Variants in ERP27 observed in about 807,000 individuals in gnomAD.
ERP27 encodes endoplasmic reticulum resident protein 27.
Under a neutral mutation model 27.7 loss-of-function variants are expected in ERP27, and 23 were observed. The observed-to-expected ratio is 0.83, with a 90% CI of 0.60 to 1.18. ERP27 has a LOEUF of 1.18. Among genes scored for constraint, ERP27 ranks in the 50% most tolerant of loss-of-function variants. The pLI is 0.00. For synonymous variants in ERP27, 159 were observed against 118.3 expected, an observed-to-expected ratio of 1.34 and a Z score of -2.23; for missense variants, 363 against 327.9, an observed-to-expected ratio of 1.11 and a Z score of -0.83.
At chr12:14,923,597 C>T (rs1863549254) in intron 3 of ERP27, among the ~76,000 whole-genome samples, 2 of 151,710 alleles carry the variant, frequency 1.3e-5, no homozygotes, top group Admixed American at 1.3e-4. Context: ...AAAAACAGAA[C>T]CAACTATATT....
Position 14,937,990 on chromosome 12 carries a change from T to A in ERP27, c.157A>T (p.Ile53Phe), listed in dbSNP as rs771184674. The change falls in exon 2 of 7, where the codon ATT (isoleucine) becomes TTT (phenylalanine). Residue 53 changes from isoleucine (I) to phenylalanine (F), a missense_variant. Transcript: ENST00000266397. The stretch of plus-strand genomic sequence containing the variant: ...ATGACAGCCACCTCAGTGGCAGCAA[T>A]GAATTCCATGGCAGCTGGGACATCT... ...LTDVPAAMEF[I>F]AATEVAVIGF... 1 of 1,613,946 alleles carries A rather than the reference T, an allele frequency of 6.2e-7. No individual in the cohort carries two copies. The highest frequency in any genetic ancestry group is 8.5e-7 in the Non-Finnish European group (1 of 1,179,936).
intron 2 of ERP27, 153 bp from the exon 3 acceptor site, chr12:14,935,146 A>C: frequency 1.0e-6 from 1 of 985,336 alleles, no homozygotes; most frequent in East Asian, 1.1e-4. Context: ...ATTCAGGTTT[A>C]ACTGGCAGTG....
intron 3 of ERP27, among the ~76,000 whole-genome samples, chr12:14,924,188 TCC>T (rs1373407328): frequency 3.3e-5 from 5 of 152,220 alleles, no homozygotes; most frequent in Non-Finnish European, 7.3e-5. Flanking sequence ...CTATCTGTGC[TCC>T]TACACATGAC....
At chr12:14,921,098 T>C (rs764200655) in intron 3 of ERP27, 50 bp from the exon 4 acceptor site, 26 of 1,493,068 alleles carry the variant, frequency 1.7e-5, no homozygotes, top group Non-Finnish European at 2.4e-5. Flanking sequence ...TTTTTTCATG[T>C]ATTGATAAAC....
At chr12:14,935,259 T>C (rs1362246135) in intron 2 of ERP27, 2 of 625,412 alleles carry the variant, frequency 3.2e-6, no homozygotes, top group Non-Finnish European at 4.0e-6. Context: ...TGAAGTTTAC[T>C]AGGGGCTGAG....
rs566773453 is a variant in ERP27, at chr12:14,915,661, C to A, written c.602G>T (p.Gly201Val). 2 of 1,614,018 alleles carry A rather than the reference C, an allele frequency of 1.2e-6. No individual in the cohort carries two copies. Among genetic ancestry groups the A allele is most frequent in the Non-Finnish European group, 1.7e-6 (2 of 1,179,906 alleles). Residue 201 changes from glycine to valine, a missense_variant, in exon 6 of 7, where the codon GGT becomes GTT. By Grantham distance (109) the Gly-to-Val change is moderately radical. Transcript: ENST00000266397. ...TATCACCTTCCCATTTTCTTTCATA[C>A]CACTGTCCACCAGAATAAAGAGAAT... is the stretch of plus-strand genomic sequence containing the variant. ...GKILFILVDS[G>V]MKENGKVISF...
In ERP27 at chr12:14,920,917, G is replaced by A. The variant is rs1863492037; in HGVS notation, c.450+15C>T. The A allele has an allele frequency of 1.2e-6, 2 of 1,600,968 alleles. No individual in the cohort carries two copies. Among genetic ancestry groups the A allele is most frequent in the African/African-American group, 2.7e-5 (2 of 74,634 alleles). Reference sequence around the variant, plus strand: ...TCAGGGTCTGAAGGGACTAAGAACAGGAAGTATTGTTTACCACAGGGTTGT... The same window carrying A: ...TCAGGGTCTGAAGGGACTAAGAACAAGAAGTATTGTTTACCACAGGGTTGT... On this transcript the variant is annotated intron_variant, in intron 4 of 6. Transcript: ENST00000266397.
At position 14,934,961 on chromosome 12, in the gene ERP27, A is replaced by G. The variant is rs2120625183; in HGVS notation, c.228T>C (p.His76=). 1.2e-6 allele frequency: 2 copies of G among 1,614,146 alleles called. No homozygotes were observed. Among genetic ancestry groups the G allele is most frequent in the African/African-American group, 1.3e-5 (1 of 75,052 alleles). The change falls in exon 3 of 7, where the codon CAT becomes CAC. Residue 76 remains histidine, a synonymous_variant. Coordinates refer to ENST00000266397, the MANE Select transcript of ERP27 (RefSeq NM_152321.4). ...DLEIPAVPIL[H]SMVQKFPGVS... is the part of the protein sequence containing the mutation. ...CGCCTGGGAATTTTTGCACCATGCTATGGAGTATGGGCACTGCTGGTATTT... is the reference window on the plus strand; with the variant it reads ...CGCCTGGGAATTTTTGCACCATGCTGTGGAGTATGGGCACTGCTGGTATTT...
chr12:14,921,460 A>T (rs1045669731), intron 3 of ERP27, among the ~76,000 whole-genome samples: 1 of 152,196 alleles, frequency 6.6e-6, no homozygotes, highest in Non-Finnish European at 1.5e-5. Flanking sequence ...TGACCCTACC[A>T]GATGTGATGT....
rs572958350 is a variant in ERP27 at position 14,930,619 on chromosome 12, T to C, written c.333+4237A>G. 1.8e-3 allele frequency among the ~76,000 whole-genome samples: 228 copies of C among 126,182 alleles called. 2 individuals carry two copies. The highest frequency in any genetic ancestry group is 6.5e-3 in the African/African-American group (200 of 30,624). The allele number at this position is 126,182 out of a possible 152,430, so 82.8% of individuals were successfully genotyped here. ...GTGCCCTCACACAGCAAGACTGTTA[T>C]ATGCAACTTATGGTTTCATGAATTT... On this transcript the variant is annotated intron_variant, in intron 3 of 6. Coordinates refer to ENST00000266397, the MANE Select transcript of ERP27 (RefSeq NM_152321.4).
At chr12:14,929,839 A>G (rs1163822088) in intron 3 of ERP27, among the ~76,000 whole-genome samples, 1 of 152,208 alleles carries the variant, frequency 6.6e-6, no homozygotes, top group African/African-American at 2.4e-5. Flanking sequence ...TGCCACAGTT[A>G]TAGTATTAAA....
chr12:14,915,489 C>A lies in ERP27; in HGVS notation c.774G>T (p.Leu258Phe). 1 of 1,613,632 alleles carries A rather than the reference C, an allele frequency of 6.2e-7. No individual in the cohort carries two copies. Residue 258 changes from leucine to phenylalanine, a missense_variant and splice_region_variant, in exon 6 of 7, where the codon TTG becomes TTT. By Grantham distance (22) the Leu-to-Phe change is conservative. Transcript: ENST00000266397. ...FCDGFLSGKL[L>F]KENRESEGKT... Reference sequence around the variant, plus strand: ...GCTTTACCTGCAGTCTCACACTTACCAACAATTTTCCACTTAGGAATCCAT... The same window carrying A: ...GCTTTACCTGCAGTCTCACACTTACAAACAATTTTCCACTTAGGAATCCAT...
At chr12:14,932,180 G>GA (rs943308165) in intron 3 of ERP27, among the ~76,000 whole-genome samples, 21 of 152,128 alleles carry the variant, frequency 1.4e-4, no homozygotes, top group African/African-American at 5.1e-4. Context: ...TTCCAGCCTT[G>GA]AATAGGTCAT....
chr12:14,924,104 T>C (rs1410971796), intron 3 of ERP27, among the ~76,000 whole-genome samples: 1 of 152,228 alleles, frequency 6.6e-6, no homozygotes, highest in African/African-American at 2.4e-5. Context: ...TTTAGATTGC[T>C]TGTATGAATG....
At chr12:14,923,497 ATCT>A (rs1565450690) in intron 3 of ERP27, among the ~76,000 whole-genome samples, 70 of 147,326 alleles carry the variant, frequency 4.8e-4, no homozygotes, top group African/African-American at 1.7e-3. Context: ...TAATCAATCT[ATCT>A]ATCTATCTAT....
intron 3 of ERP27, among the ~76,000 whole-genome samples, chr12:14,921,252 G>A (rs1863499202): frequency 6.6e-6 from 1 of 152,188 alleles, no homozygotes; most frequent in African/African-American, 2.4e-5. Flanking sequence ...TGTGGCAGGT[G>A]TCATCACAGG....
chr12:14,921,126 T>C, intron 3 of ERP27, 78 bp from the exon 4 acceptor site: 7 of 1,155,134 alleles, frequency 6.1e-6, no homozygotes, highest in Non-Finnish European at 9.0e-6. Flanking sequence ...GACCCCCATG[T>C]GACAGGCACT....
intron 3 of ERP27, among the ~76,000 whole-genome samples, chr12:14,925,664 T>C (rs1036412716): frequency 2.6e-5 from 4 of 152,232 alleles, no homozygotes; most frequent in East Asian, 3.8e-4. Context: ...ATTAAGTATA[T>C]TTTACAGCTT....
At position 14,914,774 on chromosome 12, in the gene ERP27, A is replaced by G; in HGVS notation, c.783T>C (p.Asn261=). 6.2e-7 allele frequency: 1 copy of G among 1,613,494 alleles called. No individual in the cohort carries two copies. The highest frequency in any genetic ancestry group is 8.5e-7 in the Non-Finnish European group (1 of 1,179,676). The change falls in exon 7 of 7, where the codon AAT becomes AAC. Residue 261 remains asparagine (N), a synonymous_variant. Transcript: ENST00000266397. ...GFLSGKLLKE[N]RESEGKTPKV... ...TTGGAGTCTTTCCTTCTGATTCACGATTTTCTTTCTGGAAAACATTATAAC... is the reference window on the plus strand; with the variant it reads ...TTGGAGTCTTTCCTTCTGATTCACGGTTTTCTTTCTGGAAAACATTATAAC...
Sources: gnomAD v4.1 joint callset for allele counts (sites outside exome capture counted in the v4.1 genomes callset) on GRCh38, gnomAD v4.1.1 for gene constraint, MANE v1.5 for transcripts, NCBI Gene and HGNC (gene_info 2026-07-23, HGNC 2026-07-21) for gene names.